The following ST6GALNAC3 variants were observed in gnomAD, a reference collection of about 807,000 sequenced individuals.
ST6GALNAC3 encodes alpha-N-acetylgalactosaminide alpha-2,6-sialyltransferase 3.
In ST6GALNAC3, 25 loss-of-function variants were observed where a neutral mutation model predicts 32.7. The ratio of observed to expected loss-of-function variants is 0.76; its 90% CI spans 0.56 to 1.07. The LOEUF is 1.07. Among genes scored for constraint, ST6GALNAC3 ranks in the 50% least tolerant of loss-of-function variants. The pLI is 0.00. For missense variants in ST6GALNAC3, 355 were observed against 382.4 expected, an observed-to-expected ratio of 0.93 and a Z score of 0.60; for synonymous variants, 129 against 133.1, an observed-to-expected ratio of 0.97 and a Z score of 0.21.
chr1:76,226,100 T>C (rs1010806510), intron 1 of ST6GALNAC3, among the ~76,000 whole-genome samples: 2 of 152,196 alleles, frequency 1.3e-5, no homozygotes, highest in Non-Finnish European at 2.9e-5. Flanking sequence ...AGATGAATGA[T>C]TCCAGTGAAA....
intron 3 of ST6GALNAC3, among the ~76,000 whole-genome samples, chr1:76,602,870 TA>T (rs1008937825): frequency 1.0e-4 from 15 of 147,120 alleles, no homozygotes; most frequent in East Asian, 2.0e-4. Context: ...AAAGCACACC[TA>T]AAAAAAAAAT....
intron 1 of ST6GALNAC3, among the ~76,000 whole-genome samples, chr1:76,102,504 T>C (rs558234319): frequency 6.6e-5 from 10 of 152,248 alleles, no homozygotes; most frequent in African/African-American, 2.4e-4. Flanking sequence ...CTCCCTTCTG[T>C]TGAATTGAGG....
intron 3 of ST6GALNAC3, among the ~76,000 whole-genome samples, chr1:76,494,517 G>A (rs1261901639): frequency 3.5e-5 from 4 of 114,038 alleles, no homozygotes; most frequent in Non-Finnish European, 6.9e-5. Context: ...TATTACCCTT[G>A]GCTGAAGCAT....
intron 3 of ST6GALNAC3, among the ~76,000 whole-genome samples, chr1:76,427,424 T>A (rs1165086086): frequency 6.6e-6 from 1 of 152,010 alleles, no homozygotes; most frequent in Non-Finnish European, 1.5e-5. Flanking sequence ...GGCTCTGCAT[T>A]TAAACAGTTC....
chr1:76,132,104 G>T (rs1253876741), intron 1 of ST6GALNAC3, among the ~76,000 whole-genome samples: 4 of 152,154 alleles, frequency 2.6e-5, no homozygotes, highest in Non-Finnish European at 5.9e-5. Context: ...CCCCATGCTT[G>T]TTTTCATACT....
intron 3 of ST6GALNAC3, among the ~76,000 whole-genome samples, chr1:76,541,645 A>G (rs554910497): frequency 1.8e-4 from 28 of 152,280 alleles, no homozygotes; most frequent in African/African-American, 6.5e-4. Context: ...ATTGCACCCC[A>G]CTATTCAACC....
chr1:76,463,422 A>C (rs572961978), intron 3 of ST6GALNAC3, among the ~76,000 whole-genome samples: 1 of 152,174 alleles, frequency 6.6e-6, no homozygotes, highest in Non-Finnish European at 1.5e-5. Context: ...TTGACTTCAC[A>C]TGCCAAACTT....
intron 2 of ST6GALNAC3, among the ~76,000 whole-genome samples, chr1:76,357,196 A>G (rs6671876): frequency 0.99 from 145,618 of 146,862 alleles, 72,211 homozygotes; most frequent in Middle Eastern, 1. Context: ...GTGCAGTGGC[A>G]TAATCTCAAC....
chr1:76,171,421 C>G (rs913616542), intron 1 of ST6GALNAC3, among the ~76,000 whole-genome samples: 1 of 151,434 alleles, frequency 6.6e-6, no homozygotes, highest in Non-Finnish European at 1.5e-5. Flanking sequence ...AAACAAGTAA[C>G]TAATAACTAA....
At chr1:76,551,706 T>G (rs1664645705) in intron 3 of ST6GALNAC3, among the ~76,000 whole-genome samples, 1 of 152,226 alleles carries the variant, frequency 6.6e-6, no homozygotes, top group African/African-American at 2.4e-5. Context: ...CTAGGTGTTT[T>G]GAAATTTACG....
intron 1 of ST6GALNAC3, among the ~76,000 whole-genome samples, chr1:76,100,146 A>C (rs1013488938): frequency 6.6e-6 from 1 of 152,134 alleles, no homozygotes; most frequent in Non-Finnish European, 1.5e-5. Context: ...TTATCTGTAG[A>C]TTCTTTGGAT....
At chr1:76,387,015 T>C (rs934250341) in intron 2 of ST6GALNAC3, among the ~76,000 whole-genome samples, 13 of 152,160 alleles carry the variant, frequency 8.5e-5, no homozygotes, top group Non-Finnish European at 5.9e-5. Flanking sequence ...TGCATTCTTC[T>C]TGCTTTATAG....
intron 3 of ST6GALNAC3, among the ~76,000 whole-genome samples, chr1:76,494,472 C>CACAT (rs1660706003): frequency 8.6e-6 from 1 of 115,628 alleles, no homozygotes; most frequent in East Asian, 2.7e-4. Context: ...TATATATACA[C>CACAT]ACACACACAC....
intron 1 of ST6GALNAC3, among the ~76,000 whole-genome samples, chr1:76,276,546 A>C (rs1307635722): frequency 6.6e-6 from 1 of 152,126 alleles, no homozygotes; most frequent in Admixed American, 6.5e-5. Flanking sequence ...TGATTAAGCC[A>C]CAGTTTACTT....
At chr1:76,456,696 C>T (rs1008852161) in intron 3 of ST6GALNAC3, among the ~76,000 whole-genome samples, 3 of 152,062 alleles carry the variant, frequency 2.0e-5, no homozygotes, top group Admixed American at 6.6e-5. Context: ...ATTGATGAGA[C>T]GTATCTCAAA....
Position 76,520,064 on chromosome 1 carries a change from T to C in ST6GALNAC3, c.624-107388T>C, listed in dbSNP as rs1239553925. Among the ~76,000 whole-genome samples the C allele has an allele frequency of 2.0e-5, 3 of 152,094 alleles. No individual in the cohort carries two copies. The East Asian group carries it at 5.8e-4, about 29-fold the overall frequency. ...CATTTTATTTCTGTTTCCTCTATAT[T>C]AACTCTCATTTTCTTAGTGGTTACC... On this transcript the variant is annotated intron_variant, in intron 3 of 4. Transcript: ENST00000328299.
At chr1:76,387,213 G>A (rs1186579619) in intron 2 of ST6GALNAC3, among the ~76,000 whole-genome samples, 4 of 152,090 alleles carry the variant, frequency 2.6e-5, no homozygotes, top group Middle Eastern at 3.2e-3. Context: ...AATGGTGACT[G>A]TAGGGCTGTG....
At chr1:76,285,456 G>A (rs971734048) in intron 1 of ST6GALNAC3, among the ~76,000 whole-genome samples, 4 of 151,352 alleles carry the variant, frequency 2.6e-5, no homozygotes, top group African/African-American at 9.7e-5. Context: ...CCATAGGTGC[G>A]GTGCCTTGGG....
intron 2 of ST6GALNAC3, among the ~76,000 whole-genome samples, chr1:76,401,429 C>G (rs1653407025): frequency 6.6e-6 from 1 of 152,156 alleles, no homozygotes; most frequent in Non-Finnish European, 1.5e-5. Context: ...TCACTAGACT[C>G]CAATCTCATT....
Sources: allele counts gnomAD v4.1 joint callset (sites outside exome capture counted in the v4.1 genomes callset), GRCh38; gene constraint gnomAD v4.1.1; transcripts MANE v1.5; gene names NCBI Gene and HGNC (gene_info 2026-07-23, HGNC 2026-07-21).